PPFIA2: variants seen among roughly 807,000 people sequenced by gnomAD.
PPFIA2 encodes the protein liprin-alpha-2.
PPFIA2 carries 46 observed loss-of-function variants against 175.5 expected under a neutral mutation model. The observed-to-expected ratio is 0.26, with a 90% confidence interval of 0.21 to 0.34. The LOEUF is 0.34. PPFIA2 is among the 10% of genes least tolerant of loss of function. The probability of loss-of-function intolerance (pLI) is 1.00; values close to 1 mark genes in which losing one functional copy is unlikely to be tolerated. For synonymous variants in PPFIA2, 568 were observed against 511.4 expected (o/e 1.11, Z -1.49); for missense variants, 1,179 against 1,506.1 (o/e 0.78, Z 3.60).
intron 3 of PPFIA2, among the ~76,000 whole-genome samples, chr12:81,712,212 C>A (rs948806047): frequency 6.6e-6 from 1 of 151,216 alleles, no homozygotes; most frequent in Non-Finnish European, 1.5e-5. Flanking sequence ...TTGAGTTTCA[C>A]ATAACATTGG....
chr12:81,457,505 ATAAAG>A (rs953195557), intron 5 of PPFIA2, among the ~76,000 whole-genome samples: 3 of 152,268 alleles, frequency 2.0e-5, no homozygotes, highest in African/African-American at 7.2e-5. Flanking sequence ...TTAAAGCCAA[ATAAAG>A]TAAAGGCCAG....
chr12:81,340,129 C>A (rs1001070811), intron 20 of PPFIA2, among the ~76,000 whole-genome samples: 4 of 152,008 alleles, frequency 2.6e-5, no homozygotes, highest in African/African-American at 7.2e-5. Flanking sequence ...CATTCCCTAA[C>A]CTTCAAGCAA....
intron 3 of PPFIA2, among the ~76,000 whole-genome samples, chr12:81,741,738 A>T (rs1166436223): frequency 6.6e-6 from 1 of 151,984 alleles, no homozygotes; most frequent in African/African-American, 2.4e-5. Flanking sequence ...AAGCCAAAAG[A>T]TTGGACACCC....
chr12:81,630,881 CTA>C (rs67242917), intron 4 of PPFIA2, among the ~76,000 whole-genome samples: 6,882 of 140,622 alleles, frequency 0.049, 173 homozygotes, highest in Middle Eastern at 0.065. Flanking sequence ...TATGGAAAGG[CTA>C]TATATATATA....
At chr12:81,724,924 G>T (rs2153633288) in intron 3 of PPFIA2, among the ~76,000 whole-genome samples, 1 of 151,106 alleles carries the variant, frequency 6.6e-6, no homozygotes, top group Middle Eastern at 3.4e-3. Flanking sequence ...TACAGAAATT[G>T]TACTAATTTA....
intron 4 of PPFIA2, among the ~76,000 whole-genome samples, chr12:81,466,995 C>T (rs2055780930): frequency 3.4e-5 from 5 of 149,170 alleles, no homozygotes; most frequent in Admixed American, 1.3e-4. Flanking sequence ...GTAACTGAAA[C>T]GTAACTCGAG....
intron 8 of PPFIA2, among the ~76,000 whole-genome samples, chr12:81,401,730 T>C (rs2042123563): frequency 6.6e-6 from 1 of 152,160 alleles, no homozygotes; most frequent in Non-Finnish European, 1.5e-5. Context: ...AGCATTATTA[T>C]AAACTTTACA....
At chr12:81,584,881 T>C (rs1254372906) in intron 4 of PPFIA2, among the ~76,000 whole-genome samples, 1 of 124,410 alleles carries the variant, frequency 8.0e-6, no homozygotes, top group African/African-American at 3.0e-5. Context: ...TATATAATTA[T>C]ATATTAATTA....
rs1409875028 is a variant in PPFIA2, at chr12:81,347,581, GGTGAGC to G, written c.2178_2183del (p.Lys726_Thr728delinsAsn). 1 of 1,613,490 alleles carries G rather than the reference GGTGAGC, an allele frequency of 6.2e-7. No homozygotes were observed. Among genetic ancestry groups the G allele is most frequent in the Non-Finnish European group, 8.5e-7 (1 of 1,179,612 alleles). On this transcript the variant is annotated inframe_deletion, in exon 18 of 33. Coordinates refer to ENST00000549396, the MANE Select transcript of PPFIA2 (RefSeq NM_003625.5). The stretch of plus-strand genomic sequence containing the variant: ...CCATTTCCCTGGCAGGGCTTCGAGG[GGTGAGC>G]TTTGGAGTTGAGTGTCCACTGGGGG...
intron 8 of PPFIA2, among the ~76,000 whole-genome samples, chr12:81,400,142 CAA>C (rs1365325255): frequency 6.6e-6 from 1 of 152,042 alleles, no homozygotes; most frequent in Non-Finnish European, 1.5e-5. Context: ...ATTGATAAGC[CAA>C]ACTTTTAACT....
intron 22 of PPFIA2, among the ~76,000 whole-genome samples, 162 bp from the exon 23 acceptor site, chr12:81,299,544 A>G (rs1484780521): frequency 6.6e-6 from 1 of 152,178 alleles, no homozygotes; most frequent in Non-Finnish European, 1.5e-5. Flanking sequence ...ACACACACAC[A>G]TCATCCATTG....
intron 28 of PPFIA2, among the ~76,000 whole-genome samples, chr12:81,269,209 T>C (rs1409123795): frequency 6.6e-6 from 1 of 152,092 alleles, no homozygotes; most frequent in African/African-American, 2.4e-5. Flanking sequence ...AGTAAAATAG[T>C]CCGAAGGACT....
chr12:81,374,856 G>T, intron 10 of PPFIA2, 88 bp from the exon 11 acceptor site: 1 of 1,279,444 alleles, frequency 7.8e-7, no homozygotes, highest in South Asian at 1.5e-5. Flanking sequence ...CTTCAGCCAT[G>T]ATTCTAGATT....
At chr12:81,485,857 G>A (rs1414753961) in intron 4 of PPFIA2, among the ~76,000 whole-genome samples, 4 of 151,588 alleles carry the variant, frequency 2.6e-5, no homozygotes, top group Non-Finnish European at 4.4e-5. Context: ...TAATATAAGC[G>A]ACATAATTTT....
intron 3 of PPFIA2, among the ~76,000 whole-genome samples, chr12:81,688,615 T>C (rs2074770060): frequency 6.6e-6 from 1 of 150,530 alleles, no homozygotes; most frequent in Non-Finnish European, 1.5e-5. Context: ...AAAAAAAACT[T>C]GGAGATTAGC....
chr12:81,496,155 C>T (rs185249538), intron 4 of PPFIA2, among the ~76,000 whole-genome samples: 63 of 152,198 alleles, frequency 4.1e-4, no homozygotes, highest in African/African-American at 1.3e-3. Flanking sequence ...CTCCCTCCTC[C>T]GCTTCTCTCT....
At chr12:81,325,143 G>T (rs1452015343) in intron 22 of PPFIA2, among the ~76,000 whole-genome samples, 5 of 151,998 alleles carry the variant, frequency 3.3e-5, no homozygotes, top group Admixed American at 3.3e-4. Flanking sequence ...TACATTTAAA[G>T]AACATGTCCT....
intron 4 of PPFIA2, among the ~76,000 whole-genome samples, chr12:81,477,288 G>T (rs1403860418): frequency 2.0e-5 from 3 of 150,270 alleles, no homozygotes; most frequent in Non-Finnish European, 4.5e-5. Flanking sequence ...GAGAGAAAAG[G>T]AGGAGAGAGA....
intron 4 of PPFIA2, among the ~76,000 whole-genome samples, chr12:81,485,862 A>C (rs1394548073): frequency 2.0e-5 from 3 of 151,862 alleles, no homozygotes; most frequent in African/African-American, 4.8e-5. Flanking sequence ...TAAGCGACAT[A>C]ATTTTTGGAA....
Sources: gnomAD v4.1 joint callset for allele counts (sites outside exome capture counted in the v4.1 genomes callset) on GRCh38, gnomAD v4.1.1 for gene constraint, MANE v1.5 for transcripts, NCBI Gene and HGNC (gene_info 2026-07-23, HGNC 2026-07-21) for gene names.